The following KCND3 variants were observed in gnomAD, a reference collection of about 807,000 sequenced individuals.
The protein encoded by KCND3 is A-type voltage-gated potassium channel KCND3.
KCND3 carries 9 observed loss-of-function variants against 51.1 expected under a neutral mutation model. The observed-to-expected ratio is 0.18, with a 90% CI of 0.11 to 0.31. The LOEUF (loss-of-function observed/expected upper bound fraction) is 0.31, where lower values mean the gene tolerates loss of function less well. KCND3 is among the 10% of genes least tolerant of loss of function. KCND3 has a pLI of 1.00. For missense variants in KCND3, 526 were observed against 903.8 expected (o/e 0.58, Z 5.36); for synonymous variants, 349 against 368.0 (o/e 0.95, Z 0.59).
At chr1:111,815,806 C>CA (rs1666060844) in intron 2 of KCND3, among the ~76,000 whole-genome samples, 1 of 152,022 alleles carries the variant, frequency 6.6e-6, no homozygotes. Context: ...ATCATACCTG[C>CA]AGTCCATAAG....
intron 2 of KCND3, among the ~76,000 whole-genome samples, chr1:111,922,168 A>AG (rs1201808318): frequency 6.6e-5 from 10 of 152,214 alleles, no homozygotes; most frequent in African/African-American, 2.2e-4. Context: ...CCATGGCCAC[A>AG]GGCAGCATCT....
chr1:111,776,306 T>C (rs747145956), intron 7 of KCND3, 28 bp from the exon 8 acceptor site: 1 of 1,603,926 alleles, frequency 6.2e-7, no homozygotes, highest in Non-Finnish European at 8.5e-7. Flanking sequence ...GAGTTGATGA[T>C]GGTTCCTGCT....
chr1:111,826,006 C>T (rs1163066870), intron 2 of KCND3, among the ~76,000 whole-genome samples: 1 of 152,164 alleles, frequency 6.6e-6, no homozygotes, highest in African/African-American at 2.4e-5. Context: ...AAATCAAAGT[C>T]TTTGCTAATT....
intron 2 of KCND3, among the ~76,000 whole-genome samples, chr1:111,899,996 T>G (rs780250930): frequency 1.6e-4 from 24 of 152,014 alleles, no homozygotes; most frequent in Non-Finnish European, 3.1e-4. Flanking sequence ...TACAAAGCAG[T>G]GAGGAGGCAG....
intron 2 of KCND3, among the ~76,000 whole-genome samples, chr1:111,811,346 C>T (rs1471419427): frequency 6.6e-6 from 1 of 152,070 alleles, no homozygotes; most frequent in Non-Finnish European, 1.5e-5. Context: ...AAAGAGAGGT[C>T]AAGGAATTTA....
At chr1:111,807,810 T>A (rs1050645187) in intron 2 of KCND3, among the ~76,000 whole-genome samples, 3 of 152,210 alleles carry the variant, frequency 2.0e-5, no homozygotes, top group Admixed American at 6.5e-5. Context: ...TGCATGAGGA[T>A]AAAATTGCCT....
At chr1:111,879,743 T>G (rs1036289720) in intron 2 of KCND3, among the ~76,000 whole-genome samples, 1 of 152,252 alleles carries the variant, frequency 6.6e-6, no homozygotes, top group Admixed American at 6.5e-5. Flanking sequence ...GTCTCACTTA[T>G]CTATTCCAGT....
At chr1:111,820,837 C>T (rs890967908) in intron 2 of KCND3, among the ~76,000 whole-genome samples, 7 of 152,078 alleles carry the variant, frequency 4.6e-5, no homozygotes, top group East Asian at 1.9e-4. Context: ...AGGGGGGTGA[C>T]GGCCATGTGA....
intron 2 of KCND3, among the ~76,000 whole-genome samples, chr1:111,972,744 T>C (rs996602148): frequency 2.0e-5 from 3 of 152,248 alleles, no homozygotes; most frequent in African/African-American, 7.2e-5. Context: ...CCCCACTATA[T>C]TGACAACTTC....
intron 1 of KCND3, among the ~76,000 whole-genome samples, chr1:111,985,915 TGGAACTGA>T (rs138839138): frequency 1.6e-4 from 24 of 152,296 alleles, no homozygotes; most frequent in South Asian, 4.1e-4. Flanking sequence ...AGCTGATTAC[TGGAACTGA>T]GGAACTGAGG....
In KCND3 at chr1:111,981,342, A is replaced by G. The variant is rs1674936489; in HGVS notation, c.1106+279T>C. 1.3e-5 allele frequency among the ~76,000 whole-genome samples: 2 copies of G among 152,140 alleles called. No homozygotes were observed. The highest frequency in any genetic ancestry group is 1.9e-4 in the East Asian group (1 of 5,188). Reference sequence around the variant, plus strand: ...CCTCACCCCGAGACTTCACACGCACACAAGGCATGGCTGAAAAAAGAATTG... The same window carrying G: ...CCTCACCCCGAGACTTCACACGCACGCAAGGCATGGCTGAAAAAAGAATTG... On this transcript the variant is annotated intron_variant, in intron 2 of 7. Transcript: ENST00000302127. The surrounding 1 kb of genome is among the most constrained non-coding windows in gnomAD (Gnocchi z 6.2).
intron 1 of KCND3, among the ~76,000 whole-genome samples, chr1:111,988,507 T>A (rs1373452350): frequency 6.6e-6 from 1 of 152,168 alleles, no homozygotes; most frequent in African/African-American, 2.4e-5. Context: ...CCTTCCTGTG[T>A]GCCAACAGGT....
At chr1:111,872,865 G>C (rs1256946283) in intron 2 of KCND3, among the ~76,000 whole-genome samples, 2 of 152,156 alleles carry the variant, frequency 1.3e-5, no homozygotes, top group East Asian at 3.8e-4. Flanking sequence ...TGGCTTTAGG[G>C]AGCATTCCTC....
chr1:111,957,212 T>G (rs974710745), intron 2 of KCND3, among the ~76,000 whole-genome samples: 3 of 152,134 alleles, frequency 2.0e-5, no homozygotes, highest in Non-Finnish European at 2.9e-5. Flanking sequence ...AGATTCTTTC[T>G]CCAGGAGTGC....
In KCND3 at chr1:111,891,224, A is replaced by C. The variant is rs114664818; in HGVS notation, c.1106+90397T>G. Among the ~76,000 whole-genome samples, 386 of 152,324 alleles carry C rather than the reference A, an allele frequency of 2.5e-3. 1 individual carries two copies. The highest frequency in any genetic ancestry group is 8.7e-3 in the African/African-American group (360 of 41,570). On this transcript the variant is annotated intron_variant, in intron 2 of 7. Coordinates refer to ENST00000302127, the MANE Select transcript of KCND3 (RefSeq NM_001378969.1). ...GGGTTGGGCACATGGGCAGCACAAT[A>C]AATGCTTATCAGGTTACAAAGAAAA...
At chr1:111,785,820 G>GCCTT (rs1664578389) in intron 3 of KCND3, among the ~76,000 whole-genome samples, 2 of 152,096 alleles carry the variant, frequency 1.3e-5, no homozygotes, top group East Asian at 1.9e-4. Flanking sequence ...ATCCCTGCAA[G>GCCTT]CAGAAGGCCA....
At chr1:111,956,206 G>A (rs1007423722) in intron 2 of KCND3, among the ~76,000 whole-genome samples, 3 of 152,042 alleles carry the variant, frequency 2.0e-5, no homozygotes, top group African/African-American at 4.8e-5. Context: ...GGCTGCACTT[G>A]AGCTGAACTG....
Position 111,777,131 on chromosome 1 carries a change from GTCT to G in KCND3, c.1658_1660del (p.Lys553del). On this transcript the variant is annotated inframe_deletion, in exon 7 of 8. Coordinates refer to ENST00000302127, the MANE Select transcript of KCND3 (RefSeq NM_001378969.1). ...CAGGTTAGAATTGGGCAGGTGTGTG[GTCT>G]TCTTACTACGACGGGAGCAGCAGGT... is the stretch of plus-strand genomic sequence containing the variant. 6.2e-7 allele frequency: 1 copy of G among 1,614,208 alleles called. No individual in the cohort carries two copies. The highest frequency in any genetic ancestry group is 8.5e-7 in the Non-Finnish European group (1 of 1,180,036).
At chr1:111,964,789 G>A (rs917083722) in intron 2 of KCND3, among the ~76,000 whole-genome samples, 4 of 152,304 alleles carry the variant, frequency 2.6e-5, no homozygotes, top group African/African-American at 9.6e-5. Flanking sequence ...AAGCAATGAC[G>A]AGAGAGGGAT....
Sources: allele counts gnomAD v4.1 joint callset (sites outside exome capture counted in the v4.1 genomes callset), GRCh38; gene constraint gnomAD v4.1.1; non-coding constraint Gnocchi (gnomAD v3.1); transcripts MANE v1.5; gene names NCBI Gene and HGNC (gene_info 2026-07-23, HGNC 2026-07-21).